Variants in THSD7B observed in about 807,000 individuals in gnomAD.
THSD7B encodes the protein thrombospondin type 1 domain containing 7B, also known as thrombospondin type-1 domain-containing protein 7B.
In THSD7B, 138 loss-of-function variants were observed where a neutral mutation model predicts 213.6. The ratio of observed to expected loss-of-function variants is 0.65; its 90% CI spans 0.56 to 0.74. THSD7B has a LOEUF of 0.74. THSD7B is among the 30% of genes least tolerant of loss of function. The pLI, the probability that THSD7B is intolerant of heterozygous loss-of-function variation, is 0.00. For synonymous variants in THSD7B, 742 were observed against 687.0 expected (o/e 1.08, Z -1.25); for missense variants, 1,931 against 1,991.5 (o/e 0.97, Z 0.58).
intron 1 of THSD7B, among the ~76,000 whole-genome samples, chr2:136,834,609 T>C (rs1682815615): frequency 6.6e-6 from 1 of 152,050 alleles, no homozygotes; most frequent in Non-Finnish European, 1.5e-5. Context: ...GGACTAGGGG[T>C]ATAGTGTTAG....
At chr2:137,625,548 C>G (rs868059757) in intron 20 of THSD7B, among the ~76,000 whole-genome samples, 31 of 152,012 alleles carry the variant, frequency 2.0e-4, no homozygotes, top group African/African-American at 6.5e-4. Flanking sequence ...CATAGCAGGA[C>G]AGGCATGAAA....
intron 1 of THSD7B, among the ~76,000 whole-genome samples, chr2:136,865,517 T>C (rs934767521): frequency 3.3e-5 from 5 of 152,234 alleles, no homozygotes; most frequent in Admixed American, 3.3e-4. Flanking sequence ...GCTATGGAGA[T>C]CTCTTCCAAC....
intron 1 of THSD7B, among the ~76,000 whole-genome samples, chr2:136,857,109 C>T (rs1683190452): frequency 6.6e-6 from 1 of 152,160 alleles, no homozygotes; most frequent in Non-Finnish European, 1.5e-5. Flanking sequence ...ACATGACTTA[C>T]CTTTTATAAA....
At chr2:136,960,535 T>A (rs138865941) in intron 2 of THSD7B, among the ~76,000 whole-genome samples, 1,984 of 152,238 alleles carry the variant, frequency 0.013, 34 homozygotes, top group Non-Finnish European at 0.017. Flanking sequence ...GGGAATGCAT[T>A]GAACTTTCCT....
chr2:137,620,391 T>C (rs1682496266), intron 19 of THSD7B, among the ~76,000 whole-genome samples: 1 of 152,210 alleles, frequency 6.6e-6, no homozygotes, highest in African/African-American at 2.4e-5. Flanking sequence ...TTTAGGATTT[T>C]ATAAAAAGAA....
intron 5 of THSD7B, among the ~76,000 whole-genome samples, chr2:137,133,285 C>T (rs780076905): frequency 6.6e-6 from 1 of 152,042 alleles, no homozygotes; most frequent in Non-Finnish European, 1.5e-5. Flanking sequence ...GGTTTGTTTG[C>T]GTGAGGGTGG....
intron 12 of THSD7B, among the ~76,000 whole-genome samples, chr2:137,361,947 T>G (rs890056625): frequency 6.6e-6 from 1 of 151,798 alleles, no homozygotes; most frequent in Non-Finnish European, 1.5e-5. Flanking sequence ...TCACCAAGGT[T>G]GAAATGAAGG....
chr2:136,871,600 T>C (rs1040194210), intron 1 of THSD7B, among the ~76,000 whole-genome samples: 6 of 152,088 alleles, frequency 3.9e-5, no homozygotes, highest in Non-Finnish European at 5.9e-5. Context: ...TCAGAGAAGG[T>C]GATTTTCCAT....
At chr2:137,611,481 A>T (rs1468767384) in intron 17 of THSD7B, among the ~76,000 whole-genome samples, 1 of 152,098 alleles carries the variant, frequency 6.6e-6, no homozygotes, top group Admixed American at 6.6e-5. Flanking sequence ...TCTCTTTGCC[A>T]TCAGTAAAAT....
At chr2:137,064,929 T>A (rs1687347945) in intron 3 of THSD7B, among the ~76,000 whole-genome samples, 1 of 152,058 alleles carries the variant, frequency 6.6e-6, no homozygotes, top group African/African-American at 2.4e-5. Context: ...TAACTTGAAG[T>A]CAGGTAATGT....
At chr2:137,204,113 T>C (rs1408661970) in intron 7 of THSD7B, among the ~76,000 whole-genome samples, 1 of 152,114 alleles carries the variant, frequency 6.6e-6, no homozygotes, top group Non-Finnish European at 1.5e-5. Flanking sequence ...GACAGTTCAG[T>C]CCTCTGGGGT....
At chr2:137,274,336 A>C (rs1415274647) in intron 11 of THSD7B, among the ~76,000 whole-genome samples, 1 of 152,106 alleles carries the variant, frequency 6.6e-6, no homozygotes, top group Non-Finnish European at 1.5e-5. Flanking sequence ...CATTAAGGTG[A>C]TATATTCACA....
intron 2 of THSD7B, among the ~76,000 whole-genome samples, chr2:137,034,262 C>T (rs1686730516): frequency 6.6e-6 from 1 of 152,032 alleles, no homozygotes; most frequent in Non-Finnish European, 1.5e-5. Flanking sequence ...CTTCCTTACA[C>T]CTTACGCTAA....
At chr2:137,381,014 A>G (rs115774720) in intron 12 of THSD7B, among the ~76,000 whole-genome samples, 4,810 of 152,276 alleles carry the variant, frequency 0.032, 272 homozygotes, top group African/African-American at 0.11. Flanking sequence ...AACTGTCTAC[A>G]ATTCCTTGAG....
At chr2:136,977,797 CTTTGTT>C (rs775105710) in intron 2 of THSD7B, among the ~76,000 whole-genome samples, 3 of 41,314 alleles carry the variant, frequency 7.3e-5, no homozygotes, top group Non-Finnish European at 7.2e-5. Flanking sequence ...TTTTTCTTTT[CTTTGTT>C]TTTTTTTTTT....
intron 1 of THSD7B, among the ~76,000 whole-genome samples, chr2:136,821,287 T>C (rs780715894): frequency 2.0e-5 from 3 of 152,062 alleles, no homozygotes; most frequent in Non-Finnish European, 4.4e-5. Flanking sequence ...GGAAAGAAAA[T>C]GTAAAGTTGC....
chr2:137,162,716 C>CCTTCCTT (rs1553475564), intron 6 of THSD7B, among the ~76,000 whole-genome samples: 17 of 151,870 alleles, frequency 1.1e-4, no homozygotes, highest in African/African-American at 3.9e-4. Flanking sequence ...CTCCCTCCCT[C>CCTTCCTT]CCTTCCTTCC....
chr2:137,547,461 G>GTGTA (rs1680764068), intron 15 of THSD7B, among the ~76,000 whole-genome samples: 1 of 151,958 alleles, frequency 6.6e-6, no homozygotes, highest in Non-Finnish European at 1.5e-5. Flanking sequence ...GTGTATGTGT[G>GTGTA]TGTATGTTTG....
At chr2:137,282,707 A>T (rs891259655) in intron 12 of THSD7B, among the ~76,000 whole-genome samples, 3 of 152,146 alleles carry the variant, frequency 2.0e-5, no homozygotes, top group South Asian at 4.1e-4. Context: ...CAAAGATCAG[A>T]TAGTTGTAGA....
Sources: gnomAD v4.1 joint callset for allele counts (sites outside exome capture counted in the v4.1 genomes callset) on GRCh38, gnomAD v4.1.1 for gene constraint, MANE v1.5 for transcripts, NCBI Gene and HGNC (gene_info 2026-07-23, HGNC 2026-07-21) for gene names.